Variants in RELN observed in about 807,000 individuals in gnomAD.
RELN encodes the protein reelin.
A neutral mutation model predicts 427.6 loss-of-function variants in RELN; 108 were observed. That is an observed-to-expected ratio of 0.25 (90% confidence interval 0.22 to 0.30). RELN has a LOEUF of 0.30. RELN is among the 10% of genes least tolerant of loss of function. The pLI is 1.00. For synonymous variants in RELN, 1,524 were observed against 1,513.4 expected, an observed-to-expected ratio of 1.01 and a Z score of -0.16; for missense variants, 3,715 against 4,302.8, an observed-to-expected ratio of 0.86 and a Z score of 3.82.
At chr7:103,497,518 G>A (rs1478860095) in intron 55 of RELN, among the ~76,000 whole-genome samples, 2 of 151,980 alleles carry the variant, frequency 1.3e-5, no homozygotes, top group African/African-American at 4.8e-5. Flanking sequence ...TCTTTTACTT[G>A]GAAATCATAC....
chr7:103,542,765 A>C lies in RELN; in HGVS notation c.6637T>G (p.Leu2213Val). ...GATAAATCCAGGTCTCGTGTCATCA[A>C]CATGCGCAAGCCATCTTCATTGAAA... is the stretch of plus-strand genomic sequence containing the variant. ...LFFNEDGLRMLMTRDLDLSHA... is the reference protein window; with the variant it reads ...LFFNEDGLRMVMTRDLDLSHA... Residue 2213 changes from leucine (L) to valine (V), a missense_variant, in exon 43 of 65, where the codon TTG becomes GTG. Physicochemically the swap from Leu to Val is conservative, Grantham distance 32. Transcript: ENST00000428762. 1 of 1,614,134 alleles carries C rather than the reference A, an allele frequency of 6.2e-7. No homozygotes were observed. The highest frequency in any genetic ancestry group is 1.1e-5 in the South Asian group (1 of 91,082).
chr7:103,572,418 T>C (rs1005844982), intron 30 of RELN, among the ~76,000 whole-genome samples, 158 bp from the exon 31 acceptor site: 15 of 152,216 alleles, frequency 9.9e-5, no homozygotes. Flanking sequence ...TAAATTATAG[T>C]AAGTTAATTC....
chr7:103,568,146 T>C (rs1449569668), intron 31 of RELN, among the ~76,000 whole-genome samples: 1 of 152,194 alleles, frequency 6.6e-6, no homozygotes, highest in Non-Finnish European at 1.5e-5. Flanking sequence ...TACACAACCT[T>C]TCTGTTTCCC....
At chr7:103,580,284 T>C (rs1394129919) in intron 28 of RELN, among the ~76,000 whole-genome samples, 1 of 152,228 alleles carries the variant, frequency 6.6e-6, no homozygotes, top group African/African-American at 2.4e-5. Flanking sequence ...CTCATTTACT[T>C]GGGGTAAAGT....
chr7:103,741,359 A>G (rs1367575860), intron 6 of RELN, among the ~76,000 whole-genome samples: 1 of 151,980 alleles, frequency 6.6e-6, no homozygotes, highest in Non-Finnish European at 1.5e-5. Context: ...TTTCATCAAT[A>G]TATATTCCAT....
At chr7:103,697,749 G>C in intron 10 of RELN, 104 bp downstream of exon 10, 1 of 1,526,930 alleles carries the variant, frequency 6.5e-7, no homozygotes, top group East Asian at 2.4e-5. Flanking sequence ...TTTAATAGTG[G>C]TTTTGGTAAA....
At chr7:103,795,744 C>T (rs1792283608) in intron 3 of RELN, among the ~76,000 whole-genome samples, 1 of 152,186 alleles carries the variant, frequency 6.6e-6, no homozygotes, top group African/African-American at 2.4e-5. Context: ...AAAGCACAGT[C>T]CCCTTACTAA....
At chr7:103,610,318 C>T (rs564027008) in intron 22 of RELN, among the ~76,000 whole-genome samples, 4 of 151,974 alleles carry the variant, frequency 2.6e-5, no homozygotes, top group African/African-American at 4.8e-5. Flanking sequence ...GGGTTTGCAA[C>T]GAGAAAACAG....
intron 49 of RELN, 91 bp from the exon 50 acceptor site, chr7:103,515,532 G>T: frequency 6.7e-7 from 1 of 1,496,188 alleles, no homozygotes; most frequent in Non-Finnish European, 9.2e-7. Flanking sequence ...ATAAGATAAT[G>T]TATGTCACAT....
intron 3 of RELN, among the ~76,000 whole-genome samples, chr7:103,782,278 A>C (rs1458361658): frequency 6.6e-6 from 1 of 152,168 alleles, no homozygotes; most frequent in Non-Finnish European, 1.5e-5. Flanking sequence ...TGTATGCCCA[A>C]AGCATTTAAG....
intron 3 of RELN, among the ~76,000 whole-genome samples, chr7:103,828,120 A>G (rs1231856891): frequency 1.3e-5 from 2 of 152,040 alleles, no homozygotes; most frequent in Non-Finnish European, 2.9e-5. Flanking sequence ...ATGAATGGAA[A>G]TAAATGGGCA....
chr7:103,941,205 A>G (rs986034204), intron 1 of RELN, among the ~76,000 whole-genome samples: 1 of 152,186 alleles, frequency 6.6e-6, no homozygotes, highest in Non-Finnish European at 1.5e-5. Context: ...GAGAGTTTTA[A>G]CACATCTAGA....
At chr7:103,591,081 T>C (rs933402080) in intron 27 of RELN, among the ~76,000 whole-genome samples, 1 of 152,240 alleles carries the variant, frequency 6.6e-6, no homozygotes, top group African/African-American at 2.4e-5. Flanking sequence ...GACAGTTTAT[T>C]TCCAAATAAA....
intron 8 of RELN, among the ~76,000 whole-genome samples, chr7:103,706,545 A>G (rs1834204544): frequency 6.6e-6 from 1 of 152,180 alleles, no homozygotes; most frequent in Non-Finnish European, 1.5e-5. Context: ...CTACTAACAA[A>G]TGAGATACAG....
chr7:103,552,134 AGT>A (rs1830426942), intron 40 of RELN, among the ~76,000 whole-genome samples: 1 of 152,156 alleles, frequency 6.6e-6, no homozygotes, highest in African/African-American at 2.4e-5. Flanking sequence ...GGTATCCACC[AGT>A]GTATTCTGTC....
chr7:103,877,611 T>C (rs1794509777), intron 2 of RELN, among the ~76,000 whole-genome samples: 1 of 152,142 alleles, frequency 6.6e-6, no homozygotes, highest in East Asian at 1.9e-4. Flanking sequence ...TTTTCTAAAG[T>C]GCAAATTCAT....
At chr7:103,949,238 A>T (rs1796284873) in intron 1 of RELN, among the ~76,000 whole-genome samples, 1 of 152,102 alleles carries the variant, frequency 6.6e-6, no homozygotes, top group African/African-American at 2.4e-5. Context: ...ACTGAAAGAA[A>T]AGTAATTTCC....
At chr7:103,738,091 AG>A (rs1790539571) in intron 6 of RELN, among the ~76,000 whole-genome samples, 1 of 149,222 alleles carries the variant, frequency 6.7e-6, no homozygotes, top group Non-Finnish European at 1.5e-5. Context: ...ATTGTGCTGG[AG>A]GGGAAACATC....
rs535768543 is a variant in RELN at position 103,755,261 on chromosome 7, G to T, written c.545-2047C>A. ...ACGAGGGCGGATCACGAGGTCAGGA[G>T]ATCGAGACCATCCTGGCTAACACAG... On this transcript the variant is annotated intron_variant, in intron 4 of 64. Coordinates refer to ENST00000428762, the MANE Select transcript of RELN (RefSeq NM_005045.4). 3.3e-5 allele frequency among the ~76,000 whole-genome samples: 5 copies of T among 152,102 alleles called. No individual in the cohort carries two copies. The South Asian group carries it at 1.0e-3, about 32-fold the overall frequency.
Sources: allele counts gnomAD v4.1 joint callset (sites outside exome capture counted in the v4.1 genomes callset), GRCh38; gene constraint gnomAD v4.1.1; transcripts MANE v1.5; gene names NCBI Gene and HGNC (gene_info 2026-07-23, HGNC 2026-07-21).